PTER: variants seen among roughly 807,000 people sequenced by gnomAD.
PTER encodes the protein N-acetyltaurine hydrolase.
Under a neutral mutation model 29.6 loss-of-function variants are expected in PTER, and 38 were observed. That is an observed-to-expected ratio of 1.28 (90% CI 0.99 to 1.68). The LOEUF is 1.68. Ranked by LOEUF, PTER falls within the 40% of genes most tolerant of loss-of-function variation. The pLI, the probability that PTER is intolerant of heterozygous loss-of-function variation, is 0.00. For synonymous variants in PTER, 172 were observed against 154.5 expected, an observed-to-expected ratio of 1.11 and a Z score of -0.84; for missense variants, 482 against 427.8, an observed-to-expected ratio of 1.13 and a Z score of -1.12.
At chr10:16,490,683 G>T (rs1835867243) in intron 3 of PTER, among the ~76,000 whole-genome samples, 1 of 150,058 alleles carries the variant, frequency 6.7e-6, no homozygotes, top group South Asian at 2.1e-4. Context: ...CTGCTGGAAA[G>T]GTTTTCTGTG....
chr10:16,482,526 T>C (rs1835518908), intron 1 of PTER, among the ~76,000 whole-genome samples: 1 of 152,196 alleles, frequency 6.6e-6, no homozygotes, highest in East Asian at 1.9e-4. Context: ...GTCTATGAAA[T>C]GTGCTTCGTT....
intron 1 of PTER, among the ~76,000 whole-genome samples, chr10:16,456,866 G>GGGA (rs753699615): frequency 7.4e-5 from 11 of 149,298 alleles, no homozygotes; most frequent in Non-Finnish European, 1.6e-4. Flanking sequence ...GGAAGGTGGG[G>GGGA]GGGGGTTCCG....
chr10:16,515,920 C>A (rs1413513871), downstream of PTER, among the ~76,000 whole-genome samples: 1 of 152,070 alleles, frequency 6.6e-6, no homozygotes, highest in Non-Finnish European at 1.5e-5. Context: ...TGGATTTTAT[C>A]ACTTGGCAAA....
At chr10:16,485,897 C>T (rs1835676533) in intron 2 of PTER, among the ~76,000 whole-genome samples, 1 of 151,992 alleles carries the variant, frequency 6.6e-6, no homozygotes, top group South Asian at 2.1e-4. Context: ...AGTTCCAAGT[C>T]CAGCCTGAGT....
chr10:16,494,967 C>T (rs554602689), intron 3 of PTER, among the ~76,000 whole-genome samples: 19 of 151,792 alleles, frequency 1.3e-4, no homozygotes, highest in Non-Finnish European at 2.6e-4. Context: ...TAGTAATTTG[C>T]TTTTTTTAAA....
chr10:16,495,550 A>G (rs1010973621), intron 3 of PTER, among the ~76,000 whole-genome samples: 1 of 152,216 alleles, frequency 6.6e-6, no homozygotes, highest in Non-Finnish European at 1.5e-5. Context: ...AGTTGTATAT[A>G]TAAGCATTCT....
intron 1 of PTER, among the ~76,000 whole-genome samples, chr10:16,471,150 T>C (rs1467910771): frequency 2.0e-5 from 3 of 152,136 alleles, no homozygotes; most frequent in African/African-American, 7.2e-5. Context: ...AAATGAACCA[T>C]AGCACTAGAA....
downstream of PTER, among the ~76,000 whole-genome samples, chr10:16,516,717 G>T (rs1399581138): frequency 5.3e-5 from 8 of 152,230 alleles, no homozygotes; most frequent in East Asian, 1.4e-3. Flanking sequence ...ATTCTCCAGG[G>T]TGTAACCACA....
chr10:16,442,620 AGAATTAGGTT>A (rs1225484675), intron 1 of PTER, among the ~76,000 whole-genome samples: 1 of 152,118 alleles, frequency 6.6e-6, no homozygotes, highest in Admixed American at 6.5e-5. Flanking sequence ...TAAGTAAATA[AGAATTAGGTT>A]GACTTGCATG....
chr10:16,508,148 A>G (rs1178778253), intron 4 of PTER, among the ~76,000 whole-genome samples: 4 of 144,708 alleles, frequency 2.8e-5, no homozygotes, highest in African/African-American at 7.9e-5. Context: ...ACCTCACTGC[A>G]AGCTCTGCCT....
chr10:16,451,446 C>T (rs575740839), intron 1 of PTER, among the ~76,000 whole-genome samples: 51 of 152,298 alleles, frequency 3.3e-4, no homozygotes, highest in East Asian at 7.7e-4. Context: ...TGGTGGCTCA[C>T]GCCTGTAGTC....
chr10:16,508,944 G>A (rs778686122), intron 4 of PTER, among the ~76,000 whole-genome samples: 8 of 152,118 alleles, frequency 5.3e-5, no homozygotes, highest in Admixed American at 2.0e-4. Context: ...ACAGAAGCAC[G>A]CTTCTGCCTA....
chr10:16,452,119 A>C (rs1297661416), intron 1 of PTER, among the ~76,000 whole-genome samples: 2 of 151,874 alleles, frequency 1.3e-5, no homozygotes, highest in African/African-American at 4.8e-5. Flanking sequence ...AACACATTAA[A>C]ATAAATAACA....
At chr10:16,506,657 A>G (rs968046061) in intron 4 of PTER, among the ~76,000 whole-genome samples, 3 of 152,238 alleles carry the variant, frequency 2.0e-5, no homozygotes, top group Middle Eastern at 6.8e-3. Flanking sequence ...GGCATGACAC[A>G]GCGATGGGGT....
At chr10:16,478,944 A>G (rs1835378827) in intron 1 of PTER, among the ~76,000 whole-genome samples, 1 of 152,174 alleles carries the variant, frequency 6.6e-6, no homozygotes, top group Non-Finnish European at 1.5e-5. Context: ...GACCCAGAGG[A>G]GGAGACCTTT....
intron 1 of PTER, among the ~76,000 whole-genome samples, chr10:16,444,058 T>C (rs1031297282): frequency 6.6e-6 from 1 of 151,038 alleles, no homozygotes; most frequent in African/African-American, 2.4e-5. Flanking sequence ...CTGGAGTGCA[T>C]TGGCGCGATC....
At chr10:16,514,064 A>G, downstream of PTER, 1 of 362,424 alleles carries the variant, frequency 2.8e-6, no homozygotes, top group Non-Finnish European at 4.9e-6. Flanking sequence ...CATTATTTCA[A>G]TTAGACCTTC....
At chr10:16,474,721 G>A (rs185392014) in intron 1 of PTER, among the ~76,000 whole-genome samples, 40 of 151,976 alleles carry the variant, frequency 2.6e-4, no homozygotes, top group African/African-American at 9.4e-4. Context: ...CTCCGTCTCC[G>A]CTAAAAATAC....
intron 1 of PTER, among the ~76,000 whole-genome samples, chr10:16,473,983 C>G (rs1328469928): frequency 6.6e-6 from 1 of 152,130 alleles, no homozygotes; most frequent in Non-Finnish European, 1.5e-5. Context: ...TTTGGGAGGC[C>G]TAGGTGGGCA....
Sources: gnomAD v4.1 joint callset for allele counts (sites outside exome capture counted in the v4.1 genomes callset) on GRCh38, gnomAD v4.1.1 for gene constraint, MANE v1.5 for transcripts, NCBI Gene and HGNC (gene_info 2026-07-23, HGNC 2026-07-21) for gene names.